The following COL21A1 variants were observed in gnomAD, a reference collection of about 807,000 sequenced individuals.
The protein encoded by COL21A1 is collagen type XXI alpha 1 chain, also known as collagen alpha-1(XXI) chain.
A neutral mutation model predicts 137.9 loss-of-function variants in COL21A1; 149 were observed. The observed-to-expected ratio is 1.08, with a 90% CI of 0.95 to 1.24. COL21A1 has a LOEUF of 1.24. COL21A1 is among the 50% of genes most tolerant of loss of function. COL21A1 has a pLI of 0.00. For missense variants in COL21A1, 1,167 were observed against 1,158.4 expected (o/e 1.01, Z -0.11); for synonymous variants, 456 against 391.5 (o/e 1.16, Z -1.95).
intron 1 of COL21A1, among the ~76,000 whole-genome samples, chr6:56,282,194 C>T (rs898307618): frequency 6.6e-6 from 1 of 152,026 alleles, no homozygotes; most frequent in African/African-American, 2.4e-5. Flanking sequence ...TATTAATTAC[C>T]ATCAAAATTT....
intron 17 of COL21A1, among the ~76,000 whole-genome samples, chr6:56,087,041 T>A (rs767155681): frequency 6.6e-5 from 10 of 151,604 alleles, no homozygotes; most frequent in African/African-American, 2.4e-4. Flanking sequence ...ATCCATATCT[T>A]GGGACCCTTG....
At chr6:56,065,812 C>T (rs1390558873) in intron 23 of COL21A1, among the ~76,000 whole-genome samples, 3 of 151,792 alleles carry the variant, frequency 2.0e-5, no homozygotes, top group Admixed American at 6.6e-5. Flanking sequence ...ATGTGTGGGG[C>T]ACGATTAAAG....
intron 17 of COL21A1, among the ~76,000 whole-genome samples, chr6:56,096,163 A>T (rs74296582): frequency 8.6e-6 from 1 of 116,856 alleles, no homozygotes. Context: ...TTTTTTTTTT[A>T]AACAATGCAT....
intron 1 of COL21A1, among the ~76,000 whole-genome samples, chr6:56,261,620 G>C (rs1424526349): frequency 2.0e-5 from 3 of 152,182 alleles, no homozygotes; most frequent in Non-Finnish European, 2.9e-5. Context: ...CTCTGGAACT[G>C]TAAAAAGATA....
At chr6:56,155,883 G>A (rs760816148) in intron 10 of COL21A1, among the ~76,000 whole-genome samples, 3 of 152,176 alleles carry the variant, frequency 2.0e-5, no homozygotes, top group African/African-American at 4.8e-5. Flanking sequence ...GATTATAGGC[G>A]TGAGCCACCA....
At chr6:56,168,419 A>G (rs1776766706) in intron 5 of COL21A1, 122 bp from the exon 6 acceptor site, 1 of 683,264 alleles carries the variant, frequency 1.5e-6, no homozygotes, top group East Asian at 3.0e-5. Context: ...GACTGACTGT[A>G]TTATACATTA....
intron 25 of COL21A1, among the ~76,000 whole-genome samples, chr6:56,061,417 C>T (rs1047638299): frequency 6.6e-6 from 1 of 152,106 alleles, no homozygotes; most frequent in Non-Finnish European, 1.5e-5. Flanking sequence ...AGAAAAAATT[C>T]AGCTCCAAGT....
At chr6:56,129,720 G>GAC (rs1554141184) in intron 12 of COL21A1, among the ~76,000 whole-genome samples, 11,725 of 148,392 alleles carry the variant, frequency 0.079, 518 homozygotes, top group Middle Eastern at 0.12. Flanking sequence ...GAGAGAGAGA[G>GAC]AGACAGACAG....
chr6:56,089,877 T>C (rs1218836043), intron 17 of COL21A1, among the ~76,000 whole-genome samples: 1 of 152,152 alleles, frequency 6.6e-6, no homozygotes, highest in Non-Finnish European at 1.5e-5. Flanking sequence ...TATAAAGAAA[T>C]GGATAGAAAA....
chr6:56,269,253 A>G (rs1027378295), intron 1 of COL21A1, among the ~76,000 whole-genome samples: 1 of 152,224 alleles, frequency 6.6e-6, no homozygotes, highest in Non-Finnish European at 1.5e-5. Flanking sequence ...TCAAGAAATA[A>G]AAAGAATCTC....
At chr6:56,284,594 C>T (rs1166037154) in intron 1 of COL21A1, among the ~76,000 whole-genome samples, 2 of 152,076 alleles carry the variant, frequency 1.3e-5, no homozygotes, top group Admixed American at 6.6e-5. Context: ...GCAGTGTCTT[C>T]CCCTTCCCAT....
At chr6:56,223,119 T>C (rs541037543) in intron 1 of COL21A1, among the ~76,000 whole-genome samples, 1 of 152,266 alleles carries the variant, frequency 6.6e-6, no homozygotes, top group East Asian at 1.9e-4. Flanking sequence ...ATAAACCGTG[T>C]TCTTCCAACA....
chr6:56,082,791 T>A (rs911718576), intron 17 of COL21A1, among the ~76,000 whole-genome samples: 1 of 150,750 alleles, frequency 6.6e-6, no homozygotes, highest in African/African-American at 2.5e-5. Context: ...TTTTTAAACT[T>A]AATTTATACG....
intron 1 of COL21A1, among the ~76,000 whole-genome samples, chr6:56,286,322 T>C (rs1005499139): frequency 1.3e-5 from 2 of 152,324 alleles, no homozygotes; most frequent in Non-Finnish European, 2.9e-5. Context: ...TACAAACACA[T>C]GTGAACACAC....
chr6:56,237,454 T>C (rs1342444549), intron 1 of COL21A1, among the ~76,000 whole-genome samples: 2 of 152,170 alleles, frequency 1.3e-5, no homozygotes, highest in Non-Finnish European at 2.9e-5. Context: ...AGGTTTTAAA[T>C]TAAGTCATTA....
At chr6:56,365,000 ATGCTCATGTTAT>A (rs1369475161) in intron 1 of COL21A1, among the ~76,000 whole-genome samples, 2 of 152,154 alleles carry the variant, frequency 1.3e-5, no homozygotes, top group African/African-American at 4.8e-5. Flanking sequence ...CGACTCTGGG[ATGCTCATGTTAT>A]TGCCCCAGAA....
At chr6:56,138,110 C>G (rs1007764277) in intron 12 of COL21A1, among the ~76,000 whole-genome samples, 4 of 151,970 alleles carry the variant, frequency 2.6e-5, no homozygotes, top group African/African-American at 7.2e-5. Context: ...TTGCACCAAC[C>G]TAATAGTAAC....
chr6:56,074,818 A>G (rs1458191139), intron 19 of COL21A1, among the ~76,000 whole-genome samples: 3 of 151,484 alleles, frequency 2.0e-5, no homozygotes, highest in Non-Finnish European at 4.4e-5. Flanking sequence ...GATTTAATTT[A>G]GATTCTACTT....
intron 1 of COL21A1, among the ~76,000 whole-genome samples, chr6:56,220,829 A>AACTATACTATT (rs749549324): frequency 1.7e-4 from 26 of 152,150 alleles, no homozygotes; most frequent in Non-Finnish European, 3.5e-4. Context: ...TTGAAGTAGA[A>AACTATACTATT]ACTATACTAT....
Sources: allele counts gnomAD v4.1 joint callset (sites outside exome capture counted in the v4.1 genomes callset), GRCh38; gene constraint gnomAD v4.1.1; transcripts MANE v1.5; gene names NCBI Gene and HGNC (gene_info 2026-07-23, HGNC 2026-07-21).